Variants in ZIC4 observed in about 807,000 individuals in gnomAD.
ZIC4 encodes zinc finger protein ZIC 4.
Under a neutral mutation model 28.8 loss-of-function variants are expected in ZIC4, and 15 were observed. That is an observed-to-expected ratio of 0.52 (90% CI 0.35 to 0.80). ZIC4 has a LOEUF of 0.80. ZIC4 is among the 30% of genes least tolerant of loss of function. The probability of loss-of-function intolerance (pLI) is 0.01; values close to 1 mark genes in which losing one functional copy is unlikely to be tolerated. For missense variants in ZIC4, 512 were observed against 467.1 expected, an observed-to-expected ratio of 1.10 and a Z score of -0.89; for synonymous variants, 220 against 198.1, an observed-to-expected ratio of 1.11 and a Z score of -0.93.
At position 147,396,562 on chromosome 3, in the gene ZIC4, C is replaced by G. The variant is rs1011059287; in HGVS notation, c.71-93G>C. 2 of 1,422,272 alleles carry G rather than the reference C, an allele frequency of 1.4e-6. No homozygotes were observed. Among genetic ancestry groups the G allele is most frequent in the Non-Finnish European group, 1.8e-6 (2 of 1,085,772 alleles). 88.1% of individuals were successfully genotyped at this position (1,422,272 alleles called of 1,614,324 possible). A position where few individuals can be genotyped will look rare whatever the true frequency, so the allele number is the denominator to read the frequency against. ...GGGGGGCAGGCCCAGCCCTGCCGCA[C>G]TACGGCCTCTGCAGTCAGCCGTGGA... On this transcript the variant is annotated intron_variant, in intron 2 of 4. Coordinates refer to ENST00000383075, the MANE Select transcript of ZIC4 (RefSeq NM_032153.6). The surrounding 1 kb of genome is among the most constrained non-coding windows in gnomAD (Gnocchi z 4.2).
At position 147,391,005 on chromosome 3, in the gene ZIC4, C is replaced by A. The variant is rs768013509; in HGVS notation, c.930G>T (p.Ser310=). Residue 310 remains serine (S), a synonymous_variant, in exon 4 of 5, where the codon TCG becomes TCT. Coordinates refer to ENST00000383075, the MANE Select transcript of ZIC4 (RefSeq NM_032153.6). ...SATPSALVSP[S]SDCGHKSQVA... is the part of the protein sequence containing the mutation. ...CCTGGGACTTGTGGCCGCAGTCCGA[C>A]GAGGGCGACACGAGGGCAGACGGTG... 6.2e-7 allele frequency: 1 copy of A among 1,613,236 alleles called. No individual in the cohort carries two copies. The highest frequency in any genetic ancestry group is 8.5e-7 in the Non-Finnish European group (1 of 1,179,884).
At chr3:147,398,049 C>G (rs2087086132) in intron 2 of ZIC4, among the ~76,000 whole-genome samples, 2 of 152,062 alleles carry the variant, frequency 1.3e-5, no homozygotes, top group Non-Finnish European at 2.9e-5. Context: ...CCTGAAAAGG[C>G]TGGGCTCGAA....
At chr3:147,403,961 C>T (rs1413689727) in intron 1 of ZIC4, 4 of 1,536,640 alleles carry the variant, frequency 2.6e-6, no homozygotes, top group Middle Eastern at 1.7e-4. Flanking sequence ...GGGGTAGACT[C>T]ACCTTTTCCC....
intron 1 of ZIC4, among the ~76,000 whole-genome samples, chr3:147,405,026 G>A (rs900660978): frequency 6.6e-6 from 1 of 152,218 alleles, no homozygotes. Flanking sequence ...GCCTTTGCCC[G>A]CTGCCTGATT....
intron 3 of ZIC4, chr3:147,393,071 C>T (rs1202585751): frequency 6.6e-6 from 1 of 151,102 alleles, no homozygotes; most frequent in South Asian, 2.1e-4. Context: ...TGCAAAAGAA[C>T]CAAGGTTATT....
At chr3:147,391,858 G>T in intron 3 of ZIC4, 2 of 535,316 alleles carry the variant, frequency 3.7e-6, no homozygotes, top group Non-Finnish European at 4.8e-6. Context: ...GCAGGGAGAG[G>T]TATTCTGAGC....
rs2086806695 is a variant in ZIC4, at chr3:147,386,896, TG to T, written c.*1962del. 1 of 152,144 alleles carries T rather than the reference TG, an allele frequency of 6.6e-6. No individual in the cohort carries two copies. Among genetic ancestry groups the T allele is most frequent in the African/African-American group, 2.4e-5 (1 of 41,428 alleles). The allele number at this position is 152,144 out of a possible 1,614,324, so 9.4% of individuals were successfully genotyped here. A position where few individuals can be genotyped will look rare whatever the true frequency, so the allele number is the denominator to read the frequency against. ...GCTGCTAGTGAGAAGAAACACACAA[TG>T]GGTCTATTTTTAGCAGAGGTGGCTT... On this transcript the variant is annotated 3_prime_UTR_variant, in exon 5 of 5. Coordinates refer to ENST00000383075, the MANE Select transcript of ZIC4 (RefSeq NM_032153.6).
intron 3 of ZIC4, chr3:147,392,313 G>A: frequency 2.0e-6 from 2 of 985,764 alleles, no homozygotes; most frequent in Non-Finnish European, 2.4e-6. Flanking sequence ...GGCATAGGCC[G>A]GGGAGGGGCT....
Position 147,391,154 on chromosome 3 carries a change from C to A in ZIC4, c.781G>T (p.Asp261Tyr). ...RKKHSHVHTS[D>Y]KPYTCKVRGC... The stretch of plus-strand genomic sequence containing the variant: ...CGCACCTTGCACGTGTATGGCTTGT[C>A]GCTAGTGTGCACGTGCGAATGCTTC... Residue 261 changes from aspartate to tyrosine, a missense_variant, in exon 4 of 5, where the codon GAC becomes TAC. Physicochemically the swap from Asp to Tyr is radical, Grantham distance 160. Coordinates refer to ENST00000383075, the MANE Select transcript of ZIC4 (RefSeq NM_032153.6). 6.2e-7 allele frequency: 1 copy of A among 1,613,294 alleles called. No individual in the cohort carries two copies. Among genetic ancestry groups the A allele is most frequent in the Non-Finnish European group, 8.5e-7 (1 of 1,179,304 alleles).
intron 2 of ZIC4, among the ~76,000 whole-genome samples, chr3:147,400,908 G>C (rs1157117982): frequency 1.3e-5 from 2 of 152,114 alleles, no homozygotes; most frequent in Admixed American, 1.3e-4. Context: ...AACACCAAAT[G>C]CTTGACTGAA....
intron 3 of ZIC4, chr3:147,391,908 C>G: frequency 9.8e-6 from 9 of 916,670 alleles, no homozygotes; most frequent in Non-Finnish European, 1.2e-5. Flanking sequence ...GGAATGGAGC[C>G]CCCTCCCTCT....
intron 3 of ZIC4, chr3:147,391,872 G>T: frequency 1.4e-6 from 1 of 697,788 alleles, no homozygotes. Context: ...TCTGAGCAAT[G>T]ATTCACTTCA....
intron 1 of ZIC4, among the ~76,000 whole-genome samples, chr3:147,404,784 G>A (rs1440020106): frequency 6.6e-6 from 1 of 152,194 alleles, no homozygotes; most frequent in East Asian, 1.9e-4. Flanking sequence ...TTTTATTTGG[G>A]GGAGCCTCGG....
rs573214910 is a variant in ZIC4 at position 147,391,016 on chromosome 3, C to G, written c.919G>C (p.Val307Leu). The change falls in exon 4 of 5, where the codon GTG becomes CTG. Residue 307 changes from valine to leucine, a missense_variant. Transcript: ENST00000383075. ...TGGCCGCAGTCCGACGAGGGCGACACGAGGGCAGACGGTGTAGCCGAATCG... is the reference window on the plus strand; with the variant it reads ...TGGCCGCAGTCCGACGAGGGCGACAGGAGGGCAGACGGTGTAGCCGAATCG... ...GYDSATPSAL[V>L]SPSSDCGHKS... 19 of 1,613,592 alleles carry G rather than the reference C, an allele frequency of 1.2e-5. No individual in the cohort carries two copies. In the South Asian group the frequency reaches 2.1e-4, roughly 18 times the overall value.
rs1483746881 is a variant in ZIC4, at chr3:147,405,686, C to T, written c.-16+677G>A. The T allele has an allele frequency of 4.9e-6, 3 of 608,684 alleles. No homozygotes were observed. In the East Asian group the frequency reaches 8.6e-5, roughly 17 times the overall value. 37.7% of individuals were successfully genotyped at this position (608,684 alleles called of 1,614,324 possible). A position where few individuals can be genotyped will look rare whatever the true frequency, so the allele number is the denominator to read the frequency against. On this transcript the variant is annotated intron_variant, in intron 1 of 4. Transcript: ENST00000383075. ...GCCAAGTCCCGAACCCACTGCTGGC[C>T]GCGCGCAGAGAGCAGATCCCAGCAG...
chr3:147,389,833 C>T, intron 4 of ZIC4, among the ~76,000 whole-genome samples: 1 of 152,140 alleles, frequency 6.6e-6, no homozygotes, highest in East Asian at 1.9e-4. Context: ...AAGACCATCA[C>T]CGAATTGACG....
chr3:147,387,535 A>G lies in ZIC4; in HGVS notation c.*1324T>C, dbSNP rs1301690081. On this transcript the variant is annotated 3_prime_UTR_variant, in exon 5 of 5. Transcript: ENST00000383075. ...GCACTAAAGAAGACTCCACTGTTTG[A>G]TTTTTTTTTTCACTGTGTTTATTTT... 6.6e-6 allele frequency: 1 copy of G among 150,830 alleles called. No homozygotes were observed. Among genetic ancestry groups the G allele is most frequent in the Non-Finnish European group, 1.5e-5 (1 of 67,520 alleles). 9.3% of individuals were successfully genotyped at this position (150,830 alleles called of 1,614,324 possible).
intron 2 of ZIC4, among the ~76,000 whole-genome samples, chr3:147,398,216 C>G (rs2087091372): frequency 6.6e-6 from 1 of 152,194 alleles, no homozygotes; most frequent in Non-Finnish European, 1.5e-5. Context: ...CGCTATACCC[C>G]GCAGTCGTAC....
intron 4 of ZIC4, among the ~76,000 whole-genome samples, chr3:147,390,309 A>T (rs2107963334): frequency 6.6e-6 from 1 of 150,786 alleles, no homozygotes; most frequent in South Asian, 2.1e-4. Flanking sequence ...GAAGGCAAAG[A>T]GGAAAGAAAC....
Sources: allele counts gnomAD v4.1 joint callset (sites outside exome capture counted in the v4.1 genomes callset), GRCh38; gene constraint gnomAD v4.1.1; non-coding constraint Gnocchi (gnomAD v3.1); transcripts MANE v1.5; gene names NCBI Gene and HGNC (gene_info 2026-07-23, HGNC 2026-07-21).